ETV1: variants seen among roughly 807,000 people sequenced by gnomAD.
ETV1 encodes ETS translocation variant 1.
In ETV1, 27 loss-of-function variants were observed where a neutral mutation model predicts 62.3. That is an observed-to-expected ratio of 0.43 (90% CI 0.32 to 0.60). ETV1 has a LOEUF of 0.60. Ranked by LOEUF, ETV1 falls within the 20% of genes least tolerant of loss-of-function variation. The probability of loss-of-function intolerance (pLI) is 0.06; values close to 1 mark genes in which losing one functional copy is unlikely to be tolerated. For missense variants in ETV1, 605 were observed against 605.8 expected (o/e 1.00, Z 0.01); for synonymous variants, 222 against 199.6 (o/e 1.11, Z -0.94).
intron 6 of ETV1, among the ~76,000 whole-genome samples, chr7:13,942,172 C>T (rs1406786623): frequency 1.1e-4 from 16 of 151,560 alleles, no homozygotes; most frequent in Non-Finnish European, 2.2e-4. Flanking sequence ...TACAGGCGCC[C>T]GCCACCACGC....
intron 12 of ETV1, among the ~76,000 whole-genome samples, chr7:13,905,848 C>G (rs1225651291): frequency 1.3e-5 from 2 of 152,158 alleles, no homozygotes; most frequent in Non-Finnish European, 2.9e-5. Flanking sequence ...GAAAATGTTT[C>G]TACCAGGCCT....
intron 6 of ETV1, among the ~76,000 whole-genome samples, chr7:13,961,464 C>T (rs1562685019): frequency 6.6e-6 from 1 of 152,062 alleles, no homozygotes; most frequent in African/African-American, 2.4e-5. Flanking sequence ...AAAATTAGCA[C>T]CCTTCTAATG....
At chr7:13,983,262 A>G (rs2128508693) in intron 5 of ETV1, among the ~76,000 whole-genome samples, 1 of 152,140 alleles carries the variant, frequency 6.6e-6, no homozygotes, top group East Asian at 1.9e-4. Flanking sequence ...ACACATTTAC[A>G]TCAGATATAT....
At chr7:13,931,286 T>G (rs1258030179) in intron 9 of ETV1, among the ~76,000 whole-genome samples, 1 of 152,214 alleles carries the variant, frequency 6.6e-6, no homozygotes, top group Non-Finnish European at 1.5e-5. Context: ...TTAAACTGGT[T>G]TTGTTTCCAG....
chr7:13,952,905 G>A (rs898567611), intron 6 of ETV1, among the ~76,000 whole-genome samples: 1 of 152,134 alleles, frequency 6.6e-6, no homozygotes, highest in African/African-American at 2.4e-5. Context: ...CAGCAGTAGT[G>A]GTACTAAATG....
rs762510409 is a variant in ETV1, at chr7:13,891,937, G to A, written c.*3929C>T. 14 of 231,418 alleles carry A rather than the reference G, an allele frequency of 6.0e-5. No homozygotes were observed. Among genetic ancestry groups the A allele is most frequent in the Non-Finnish European group, 1.1e-4 (13 of 117,106 alleles). The allele number at this position is 231,418 out of a possible 1,614,324, so 14.3% of individuals were successfully genotyped here. ...TCCAAATGACCTTCTCCTCTGTAAT[G>A]TTTTCTCATTACAAGCTCTGAAAAG... On this transcript the variant is annotated 3_prime_UTR_variant, in exon 14 of 14. Transcript: ENST00000430479.
intron 9 of ETV1, among the ~76,000 whole-genome samples, chr7:13,923,773 C>A (rs1484955763): frequency 6.6e-6 from 1 of 152,072 alleles, no homozygotes; most frequent in East Asian, 1.9e-4. Context: ...TGGCTCACAC[C>A]TGTTATCCCA....
At chr7:13,910,843 A>G (rs148237133) in intron 10 of ETV1, among the ~76,000 whole-genome samples, 4 of 152,328 alleles carry the variant, frequency 2.6e-5, no homozygotes, top group Non-Finnish European at 5.9e-5. Context: ...AGAACATTTA[A>G]AGGTGAAAAC....
At chr7:13,900,664 G>A in intron 13 of ETV1, 74 bp downstream of exon 13, 1 of 1,030,376 alleles carries the variant, frequency 9.7e-7, no homozygotes, top group Non-Finnish European at 1.4e-6. Context: ...GCAATGATAT[G>A]TGGCGTTTAA....
intron 10 of ETV1, among the ~76,000 whole-genome samples, 186 bp downstream of exon 10, chr7:13,911,053 T>G (rs1783508445): frequency 6.6e-6 from 1 of 152,230 alleles, no homozygotes; most frequent in African/African-American, 2.4e-5. Flanking sequence ...ATGACTCATG[T>G]TAACAACAAG....
intron 9 of ETV1, among the ~76,000 whole-genome samples, chr7:13,915,249 T>C (rs567958168): frequency 5.9e-5 from 9 of 152,298 alleles, no homozygotes; most frequent in African/African-American, 2.2e-4. Context: ...CTATTGTATA[T>C]TGATGATTTC....
At chr7:13,947,060 G>T (rs1269177855) in intron 6 of ETV1, among the ~76,000 whole-genome samples, 1 of 152,192 alleles carries the variant, frequency 6.6e-6, no homozygotes, top group Non-Finnish European at 1.5e-5. Context: ...ATAGGCGTGA[G>T]CCACCACACC....
chr7:13,927,833 A>G (rs1562628809), intron 9 of ETV1, among the ~76,000 whole-genome samples: 1 of 152,344 alleles, frequency 6.6e-6, no homozygotes, highest in East Asian at 1.9e-4. Flanking sequence ...ATACAATTTT[A>G]CCATTTAACT....
intron 8 of ETV1, among the ~76,000 whole-genome samples, chr7:13,934,605 T>C (rs1448998611): frequency 6.6e-6 from 1 of 152,224 alleles, no homozygotes; most frequent in Non-Finnish European, 1.5e-5. Context: ...AGTTAAATTA[T>C]ATAACTTCAC....
chr7:13,972,857 C>T (rs1781042238), intron 6 of ETV1, among the ~76,000 whole-genome samples: 1 of 152,160 alleles, frequency 6.6e-6, no homozygotes, highest in Admixed American at 6.5e-5. Context: ...CAATTCTCCA[C>T]TTCAGCCTTC....
At chr7:13,909,469 G>A (rs941702248) in intron 11 of ETV1, among the ~76,000 whole-genome samples, 163 bp downstream of exon 11, 10 of 152,160 alleles carry the variant, frequency 6.6e-5, no homozygotes, top group Non-Finnish European at 1.3e-4. Context: ...CTGGGGCAAG[G>A]AAGAGATAAA....
intron 6 of ETV1, among the ~76,000 whole-genome samples, chr7:13,971,617 A>G (rs918828418): frequency 2.0e-5 from 3 of 152,230 alleles, no homozygotes; most frequent in Middle Eastern, 3.2e-3. Context: ...GGAATTTTGC[A>G]TAACCCTGGG....
chr7:13,962,385 C>T (rs1402981856), intron 6 of ETV1, among the ~76,000 whole-genome samples: 1 of 152,000 alleles, frequency 6.6e-6, no homozygotes, highest in Non-Finnish European at 1.5e-5. Context: ...TACTCTTATA[C>T]AGTACAATGT....
At chr7:13,941,086 G>A (rs1258119667) in intron 6 of ETV1, among the ~76,000 whole-genome samples, 2 of 152,024 alleles carry the variant, frequency 1.3e-5, no homozygotes, top group South Asian at 2.1e-4. Flanking sequence ...GAGAAATTTT[G>A]TCTATCTCCA....
Sources: allele counts gnomAD v4.1 joint callset (sites outside exome capture counted in the v4.1 genomes callset), GRCh38; gene constraint gnomAD v4.1.1; transcripts MANE v1.5; gene names NCBI Gene and HGNC (gene_info 2026-07-23, HGNC 2026-07-21).